Variants in COL27A1 observed in about 807,000 individuals in gnomAD.
The protein encoded by COL27A1 is collagen type XXVII alpha 1 chain.
COL27A1 carries 106 observed loss-of-function variants against 251.3 expected under a neutral mutation model. That is an observed-to-expected ratio of 0.42 (90% confidence interval 0.36 to 0.50). COL27A1 has a LOEUF of 0.50. Ranked by LOEUF, COL27A1 falls within the 20% of genes least tolerant of loss-of-function variation. COL27A1 has a pLI of 0.00. For missense variants in COL27A1, 2,325 were observed against 2,522.8 expected (o/e 0.92, Z 1.68); for synonymous variants, 1,000 against 986.3 (o/e 1.01, Z -0.26).
intron 3 of COL27A1, among the ~76,000 whole-genome samples, chr9:114,177,748 TG>T (rs1222870778): frequency 1.3e-5 from 2 of 152,226 alleles, no homozygotes; most frequent in Non-Finnish European, 2.9e-5. Context: ...CTCTGTGTGC[TG>T]TGCTGCCTGT....
chr9:114,309,532 C>T (rs1829304688), intron 60 of COL27A1, 54 bp downstream of exon 60: 1 of 1,384,542 alleles, frequency 7.2e-7, no homozygotes. Flanking sequence ...TGGAAAAACA[C>T]TTGTTTGGAA....
intron 22 of COL27A1, among the ~76,000 whole-genome samples, 167 bp downstream of exon 22, chr9:114,242,398 G>C (rs1300839009): frequency 6.6e-6 from 1 of 152,258 alleles, no homozygotes; most frequent in Non-Finnish European, 1.5e-5. Flanking sequence ...CAAGAGCCAA[G>C]AAACTGACTG....
intron 21 of COL27A1, among the ~76,000 whole-genome samples, chr9:114,241,727 C>T (rs1284974722): frequency 6.6e-6 from 1 of 152,232 alleles, no homozygotes; most frequent in Non-Finnish European, 1.5e-5. Flanking sequence ...TTGGGGGTGG[C>T]TGCAAGAAAG....
At chr9:114,180,496 T>G (rs1242835551) in intron 4 of COL27A1, among the ~76,000 whole-genome samples, 2 of 152,180 alleles carry the variant, frequency 1.3e-5, no homozygotes, top group African/African-American at 4.8e-5. Context: ...CAACTCTCCC[T>G]GCCCGCCGTC....
intron 51 of COL27A1, 48 bp from the exon 52 acceptor site, chr9:114,301,018 GTCTGTT>G: frequency 6.5e-7 from 1 of 1,539,202 alleles, no homozygotes; most frequent in Non-Finnish European, 8.8e-7. Context: ...CGCTCCCCGT[GTCTGTT>G]CCCCAGGCCC....
intron 14 of COL27A1, among the ~76,000 whole-genome samples, chr9:114,228,798 G>C (rs1831706990): frequency 6.6e-6 from 1 of 152,100 alleles, no homozygotes; most frequent in Non-Finnish European, 1.5e-5. Context: ...ACTGTTTGAT[G>C]GGACCTGAAA....
chr9:114,176,060 A>G (rs1827414394), intron 3 of COL27A1, among the ~76,000 whole-genome samples: 1 of 152,186 alleles, frequency 6.6e-6, no homozygotes, highest in Non-Finnish European at 1.5e-5. Context: ...CCAGGGTAGG[A>G]GAACAGGTCC....
chr9:114,191,092 ACTCC>A (rs1356929218), intron 5 of COL27A1, among the ~76,000 whole-genome samples: 1 of 151,622 alleles, frequency 6.6e-6, no homozygotes, highest in Admixed American at 6.6e-5. Flanking sequence ...CTTAGCTGTA[ACTCC>A]CTTCAAGGAT....
chr9:114,296,888 A>T (rs1452056632), intron 49 of COL27A1, among the ~76,000 whole-genome samples: 1 of 152,262 alleles, frequency 6.6e-6, no homozygotes, highest in East Asian at 1.9e-4. Flanking sequence ...TGAACTATTA[A>T]TATATGCAAC....
chr9:114,220,946 G>T (rs536754541), intron 13 of COL27A1, among the ~76,000 whole-genome samples: 1 of 143,172 alleles, frequency 7.0e-6, no homozygotes, highest in South Asian at 2.3e-4. Context: ...AGTGAGCCAA[G>T]ATCACGCCAC....
At chr9:114,302,871 G>A (rs747450466) in intron 56 of COL27A1, among the ~76,000 whole-genome samples, 5 of 151,980 alleles carry the variant, frequency 3.3e-5, no homozygotes, top group Admixed American at 6.6e-5. Context: ...ACTATTGCAC[G>A]GTGGCTACAC....
intron 1 of COL27A1, among the ~76,000 whole-genome samples, chr9:114,158,474 C>T (rs960815817): frequency 3.3e-5 from 5 of 152,184 alleles, no homozygotes; most frequent in Admixed American, 6.5e-5. Flanking sequence ...TGTGGCCAGA[C>T]GATGTTTCCA....
At position 114,276,820 on chromosome 9, in the gene COL27A1, A is replaced by G. The variant is rs535410924; in HGVS notation, c.3717+1052A>G. Among the ~76,000 whole-genome samples the G allele has an allele frequency of 2.0e-5, 3 of 152,372 alleles. No individual in the cohort carries two copies. The South Asian group carries it at 6.2e-4, about 32-fold the overall frequency. The stretch of plus-strand genomic sequence containing the variant: ...CAGAAAGCATCCCTGACTTTGAGGG[A>G]CATAGAAGCCAGTAGGGAAGGGAGC... On this transcript the variant is annotated intron_variant, in intron 37 of 60. Coordinates refer to ENST00000356083, the MANE Select transcript of COL27A1 (RefSeq NM_032888.4).
intron 57 of COL27A1, among the ~76,000 whole-genome samples, chr9:114,305,699 T>G (rs955739390): frequency 2.0e-5 from 3 of 152,156 alleles, no homozygotes; most frequent in Non-Finnish European, 4.4e-5. Flanking sequence ...TAGAGAATTG[T>G]GCAGGAGGGT....
In COL27A1 at chr9:114,262,969, C is replaced by T. The variant is rs530641963; in HGVS notation, c.3196-1386C>T. ...TTTTTTTTTTTTTGAGATGGAGTCT[C>T]GCTCTGTCGCCCAGGGTGGAGTGCA... On this transcript the variant is annotated intron_variant, in intron 28 of 60. Transcript: ENST00000356083. Among the ~76,000 whole-genome samples, 42 of 117,586 alleles carry T rather than the reference C, an allele frequency of 3.6e-4. 1 individual carries two copies. The East Asian group carries it at 4.8e-3, about 13-fold the overall frequency. The allele number at this position is 117,586 out of a possible 152,430, so 77.1% of individuals were successfully genotyped here.
At chr9:114,305,850 C>T (rs539622856) in intron 57 of COL27A1, among the ~76,000 whole-genome samples, 1 of 152,314 alleles carries the variant, frequency 6.6e-6, no homozygotes, top group African/African-American at 2.4e-5. Flanking sequence ...CACACGTTCA[C>T]ACATGCGTGC....
At chr9:114,307,628 C>A in intron 58 of COL27A1, 41 bp from the exon 59 acceptor site, 1 of 1,379,482 alleles carries the variant, frequency 7.2e-7, no homozygotes, top group Non-Finnish European at 1.0e-6. Flanking sequence ...TGGGCTCATC[C>A]CCCAGATACA....
At chr9:114,262,742 G>C (rs1353900981) in intron 28 of COL27A1, among the ~76,000 whole-genome samples, 1 of 152,236 alleles carries the variant, frequency 6.6e-6, no homozygotes, top group East Asian at 1.9e-4. Flanking sequence ...CAGGCCCTGG[G>C]CTTGGGGATG....
At chr9:114,207,766 G>A (rs956869106) in intron 10 of COL27A1, among the ~76,000 whole-genome samples, 1 of 152,242 alleles carries the variant, frequency 6.6e-6, no homozygotes, top group African/African-American at 2.4e-5. Flanking sequence ...CCTGCCATTA[G>A]CTAGCTGTGG....
Sources: gnomAD v4.1 joint callset for allele counts (sites outside exome capture counted in the v4.1 genomes callset) on GRCh38, gnomAD v4.1.1 for gene constraint, MANE v1.5 for transcripts, NCBI Gene and HGNC (gene_info 2026-07-23, HGNC 2026-07-21) for gene names.